ANKDD1A: variants seen among roughly 807,000 people sequenced by gnomAD.
The protein encoded by ANKDD1A is ankyrin repeat and death domain-containing protein 1A.
A neutral mutation model predicts 63.5 loss-of-function variants in ANKDD1A; 59 were observed. The observed-to-expected ratio is 0.93, with a 90% CI of 0.75 to 1.15. ANKDD1A has a LOEUF of 1.15. Ranked by LOEUF, ANKDD1A falls within the 50% of genes most tolerant of loss-of-function variation. The probability of loss-of-function intolerance (pLI) is 0.00; values close to 1 mark genes in which losing one functional copy is unlikely to be tolerated. For missense variants in ANKDD1A, 632 were observed against 656.4 expected (o/e 0.96, Z 0.41); for synonymous variants, 266 against 263.9 (o/e 1.01, Z -0.08).
intron 1 of ANKDD1A, among the ~76,000 whole-genome samples, chr15:64,912,419 G>A (rs2084938431): frequency 6.6e-6 from 1 of 152,246 alleles, no homozygotes; most frequent in African/African-American, 2.4e-5. Flanking sequence ...AAGTGCTGAA[G>A]GGCCCAGCTC....
At chr15:64,951,723 T>TTTCTTTTCTTTC (rs2085284595) in intron 14 of ANKDD1A, among the ~76,000 whole-genome samples, 1 of 118,752 alleles carries the variant, frequency 8.4e-6, no homozygotes, top group African/African-American at 2.8e-5. Context: ...TTTTCTTCCC[T>TTTCTTTTCTTTC]TTTCTTCTTT....
At chr15:64,954,865 CCTT>C (rs1174460875) in intron 14 of ANKDD1A, among the ~76,000 whole-genome samples, 4 of 146,366 alleles carry the variant, frequency 2.7e-5, no homozygotes, top group African/African-American at 1.0e-4. Flanking sequence ...TCTTTCTTCT[CCTT>C]TTCTTCTTCC....
intron 11 of ANKDD1A, among the ~76,000 whole-genome samples, chr15:64,944,343 G>T (rs2085207365): frequency 6.6e-6 from 1 of 152,248 alleles, no homozygotes; most frequent in Non-Finnish European, 1.5e-5. Context: ...TGAAAAGTGG[G>T]TGGGAACCCC....
At chr15:64,920,585 T>C (rs2085000985) in intron 3 of ANKDD1A, among the ~76,000 whole-genome samples, 1 of 152,174 alleles carries the variant, frequency 6.6e-6, no homozygotes, top group Admixed American at 6.5e-5. Flanking sequence ...AGGCTCTCAC[T>C]CCATTGCCCA....
rs998127366 is a variant in ANKDD1A at position 64,944,016 on chromosome 15, T to A, written c.1065+434T>A. On this transcript the variant is annotated intron_variant, in intron 11 of 14. Transcript: ENST00000319580. ...TCTCAGAAGAGCCAAAGACTTGGTA[T>A]GAGGCTGGGAGGTCACAGGTGTTTG... Among the ~76,000 whole-genome samples the A allele has an allele frequency of 1.2e-4, 19 of 152,306 alleles. No individual in the cohort carries two copies. The Middle Eastern group carries it at 0.01, about 82-fold the overall frequency.
Position 64,926,060 on chromosome 15 carries a change from T to C in ANKDD1A, c.367-6T>C. On this transcript the variant is annotated splice_region_variant and splice_polypyrimidine_tract_variant and intron_variant, in intron 4 of 14. Coordinates refer to ENST00000319580, the MANE Select transcript of ANKDD1A (RefSeq NM_182703.6). ...ACTGCAGGAACCCTCCTGCACTTGT[T>C]TCCAGGATGGCCTGACCTTACTGCA... 6.2e-7 allele frequency: 1 copy of C among 1,612,110 alleles called. No homozygotes were observed. Among genetic ancestry groups the C allele is most frequent in the South Asian group, 1.1e-5 (1 of 90,586 alleles).
chr15:64,937,954 G>C (rs2085148413), intron 9 of ANKDD1A, among the ~76,000 whole-genome samples: 1 of 152,006 alleles, frequency 6.6e-6, no homozygotes, highest in African/African-American at 2.4e-5. Flanking sequence ...GAAAGTAAAG[G>C]AGCACTCCAT....
In ANKDD1A at chr15:64,949,779, C is replaced by T. The variant is rs990359862; in HGVS notation, c.1352-62C>T. On this transcript the variant is annotated intron_variant, in intron 13 of 14. Coordinates refer to ENST00000319580, the MANE Select transcript of ANKDD1A (RefSeq NM_182703.6). ...CGGTGCAGGGTGGCATAGACAGGCGCTCTGGTCAAGTGGCCCCATTGGCTC... is the reference window on the plus strand; with the variant it reads ...CGGTGCAGGGTGGCATAGACAGGCGTTCTGGTCAAGTGGCCCCATTGGCTC... The T allele has an allele frequency of 2.4e-5, 38 of 1,582,370 alleles. No homozygotes were observed. In the Admixed American group the frequency reaches 4.7e-4, roughly 20 times the overall value.
chr15:64,920,194 A>T (rs1595846795), intron 3 of ANKDD1A, among the ~76,000 whole-genome samples: 2 of 152,070 alleles, frequency 1.3e-5, no homozygotes, highest in South Asian at 4.1e-4. Context: ...CCCGGAGCTG[A>T]GTTTGGAGGC....
At chr15:64,952,315 TTC>T (rs1268347467) in intron 14 of ANKDD1A, among the ~76,000 whole-genome samples, 7 of 143,394 alleles carry the variant, frequency 4.9e-5, no homozygotes, top group Middle Eastern at 3.5e-3. Flanking sequence ...TTCGTTCTTT[TTC>T]TTTCTTCCTT....
chr15:64,939,118 C>T (rs976137257), intron 9 of ANKDD1A, among the ~76,000 whole-genome samples: 1 of 151,964 alleles, frequency 6.6e-6, no homozygotes, highest in Non-Finnish European at 1.5e-5. Context: ...GCAACTTTCA[C>T]GTAAAACTAA....
chr15:64,951,186 A>C (rs548808668), intron 14 of ANKDD1A: 1 of 1,048,626 alleles, frequency 9.5e-7, no homozygotes, highest in Non-Finnish European at 1.2e-6. Flanking sequence ...TTGTACACTG[A>C]TCTTTTTCAT....
chr15:64,951,775 TTC>T lies in ANKDD1A; in HGVS notation c.1483+1804_1483+1805del, dbSNP rs2085286893. On this transcript the variant is annotated intron_variant, in intron 14 of 14. Coordinates refer to ENST00000319580, the MANE Select transcript of ANKDD1A (RefSeq NM_182703.6). ...CTTCCTTCTTTCCTTTTCTTCTTCT[TTC>T]CTTTCTTCTTCCTTCTTTCTTTCCT... Among the ~76,000 whole-genome samples the T allele has an allele frequency of 5.4e-3, 804 of 148,190 alleles. 3 individuals are homozygous for T. Among genetic ancestry groups the T allele is most frequent in the Non-Finnish European group, 9.2e-3 (617 of 66,778 alleles).
chr15:64,939,698 C>T (rs72739217), intron 9 of ANKDD1A, among the ~76,000 whole-genome samples: 2,573 of 152,270 alleles, frequency 0.017, 41 homozygotes, highest in South Asian at 0.024. Context: ...CATGAAAATA[C>T]GCCCAGCTGA....
intron 14 of ANKDD1A, among the ~76,000 whole-genome samples, chr15:64,952,385 C>A (rs1196191082): frequency 9.5e-4 from 4 of 4,210 alleles, no homozygotes; most frequent in Non-Finnish European, 2.2e-3. Flanking sequence ...CTCTTTCCTT[C>A]TTTTCTTCTT....
chr15:64,921,126 A>C (rs1040058547), intron 3 of ANKDD1A, among the ~76,000 whole-genome samples: 11 of 151,856 alleles, frequency 7.2e-5, no homozygotes, highest in Non-Finnish European at 1.5e-4. Flanking sequence ...GTGTGCCTCC[A>C]CGCCTGGCTT....
In ANKDD1A at chr15:64,919,257, T is replaced by G. The variant is rs574880500; in HGVS notation, c.267+1743T>G. On this transcript the variant is annotated intron_variant, in intron 3 of 14. Coordinates refer to ENST00000319580, the MANE Select transcript of ANKDD1A (RefSeq NM_182703.6). ...CTCCCTCAGTCCTGAGCCTTCACCC[T>G]TTTTACTCCCAAGCGTCTGTGGACT... Among the ~76,000 whole-genome samples the G allele has an allele frequency of 3.9e-5, 6 of 152,244 alleles. No homozygotes were observed. The South Asian group carries it at 6.2e-4, about 16-fold the overall frequency.
intron 8 of ANKDD1A, chr15:64,932,536 A>G (rs1014452494): frequency 1.3e-5 from 2 of 152,092 alleles, no homozygotes; most frequent in Non-Finnish European, 2.9e-5. Flanking sequence ...GCCTTTCTTT[A>G]GGTAGTGAGT....
intron 9 of ANKDD1A, among the ~76,000 whole-genome samples, chr15:64,937,556 G>T (rs1344041018): frequency 6.6e-6 from 1 of 151,876 alleles, no homozygotes; most frequent in African/African-American, 2.4e-5. Context: ...GTGAAACCCC[G>T]TCTCTACTAA....
Sources: allele counts gnomAD v4.1 joint callset (sites outside exome capture counted in the v4.1 genomes callset), GRCh38; gene constraint gnomAD v4.1.1; transcripts MANE v1.5; gene names NCBI Gene and HGNC (gene_info 2026-07-23, HGNC 2026-07-21).